Variants in ZNF410 observed in about 807,000 individuals in gnomAD.
ZNF410 encodes another partner for ARF 1.
Under a neutral mutation model 54.8 loss-of-function variants are expected in ZNF410, and 18 were observed. The observed-to-expected ratio is 0.33, with a 90% CI of 0.23 to 0.49. ZNF410 has a LOEUF of 0.49. Among genes scored for constraint, ZNF410 ranks in the 20% least tolerant of loss-of-function variants. ZNF410 has a pLI of 0.99. For missense variants in ZNF410, 405 were observed against 569.6 expected (o/e 0.71, Z 2.94); for synonymous variants, 191 against 207.3 (o/e 0.92, Z 0.68).
chr14:73,922,930 A>C (rs1169922922), intron 10 of ZNF410: 6 of 152,328 alleles, frequency 3.9e-5, no homozygotes, highest in Admixed American at 6.5e-5. Context: ...TAGTTTTTTG[A>C]GGGCTAAGTG....
At position 73,931,963 on chromosome 14, in the gene ZNF410, T is replaced by C. The variant is rs1019751479; in HGVS notation, c.*422T>C. The C allele has an allele frequency of 1.3e-5, 6 of 456,714 alleles. No individual in the cohort carries two copies. The highest frequency in any genetic ancestry group is 8.0e-5 in the African/African-American group (4 of 50,084). The allele number at this position is 456,714 out of a possible 1,614,324, so 28.3% of individuals were successfully genotyped here. The stretch of plus-strand genomic sequence containing the variant: ...CCAACAACAGAGCTTCACCAGGAAG[T>C]TGAGTTTTCAAGATGCCTTGTTGCT... On this transcript the variant is annotated 3_prime_UTR_variant, in exon 12 of 12. Transcript: ENST00000555044.
intron 5 of ZNF410, among the ~76,000 whole-genome samples, chr14:73,900,147 CG>C (rs2055383267): frequency 6.6e-6 from 1 of 150,512 alleles, no homozygotes; most frequent in African/African-American, 2.4e-5. Flanking sequence ...GAGTGGAGAT[CG>C]CACCACTGCA....
At chr14:73,918,363 G>A (rs2055701032) in intron 8 of ZNF410, among the ~76,000 whole-genome samples, 2 of 152,112 alleles carry the variant, frequency 1.3e-5, no homozygotes, top group African/African-American at 4.8e-5. Flanking sequence ...GCCTCCCAAA[G>A]TACTAGGATT....
At chr14:73,919,030 CAG>C (rs1594763426) in intron 8 of ZNF410, among the ~76,000 whole-genome samples, 1 of 63,816 alleles carries the variant, frequency 1.6e-5, no homozygotes, top group East Asian at 1.2e-3. Context: ...TTTTTTTTGA[CAG>C]AGTCTCACTC....
chr14:73,897,990 AG>A (rs1555352883), intron 4 of ZNF410, 80 bp from the exon 5 acceptor site: 7 of 1,187,356 alleles, frequency 5.9e-6, no homozygotes, highest in South Asian at 1.6e-5. Flanking sequence ...AAAAAAAAAA[AG>A]GGACATGGAG....
rs2064167287 is a variant in ZNF410 at position 73,892,055 on chromosome 14, A to G, written c.-121A>G. ...ACATTGATTACCCACCTAGTACAAC[A>G]TCTTACGGGAAGAGCATAGTATTTC... is the stretch of plus-strand genomic sequence containing the variant. On this transcript the variant is annotated 5_prime_UTR_variant, in exon 2 of 12. Transcript: ENST00000555044. 2 of 1,132,910 alleles carry G rather than the reference A, an allele frequency of 1.8e-6. No individual in the cohort carries two copies. Among genetic ancestry groups the G allele is most frequent in the Non-Finnish European group, 1.3e-6 (1 of 742,386 alleles). The allele number at this position is 1,132,910 out of a possible 1,614,324, so 70.2% of individuals were successfully genotyped here. A position where few individuals can be genotyped will look rare whatever the true frequency, so the allele number is the denominator to read the frequency against.
At chr14:73,900,225 GAC>G (rs1195015628) in intron 5 of ZNF410, among the ~76,000 whole-genome samples, 2 of 150,484 alleles carry the variant, frequency 1.3e-5, no homozygotes, top group Non-Finnish European at 3.0e-5. Context: ...CCAAATATAA[GAC>G]AATCTTTTAT....
At chr14:73,901,450 G>A (rs948633703) in intron 5 of ZNF410, among the ~76,000 whole-genome samples, 9 of 150,854 alleles carry the variant, frequency 6.0e-5, no homozygotes, top group African/African-American at 2.2e-4. Flanking sequence ...AAAAATTTGC[G>A]TTATATTTAT....
chr14:73,905,991 A>ATATATATGTATATATATATG (rs1491231212), intron 7 of ZNF410, among the ~76,000 whole-genome samples: 1 of 141,746 alleles, frequency 7.1e-6, no homozygotes, highest in Non-Finnish European at 1.5e-5. Flanking sequence ...ATATATATAT[A>ATATATATGTATATATATATG]TATACACACA....
intron 5 of ZNF410, among the ~76,000 whole-genome samples, chr14:73,903,165 G>T (rs895803077): frequency 6.6e-6 from 1 of 152,162 alleles, no homozygotes; most frequent in African/African-American, 2.4e-5. Flanking sequence ...GTCTTACTCT[G>T]TTGCCCAGAC....
chr14:73,910,848 C>T (rs1390137668), intron 8 of ZNF410, among the ~76,000 whole-genome samples: 4 of 118,258 alleles, frequency 3.4e-5, no homozygotes, highest in East Asian at 2.4e-4. Flanking sequence ...GGTGACAGGG[C>T]GAGACCCTGT....
intron 7 of ZNF410, chr14:73,905,610 G>A (rs1358327917): frequency 6.6e-6 from 1 of 152,220 alleles, no homozygotes; most frequent in East Asian, 1.9e-4. Context: ...TATCACAGGA[G>A]CAAAATAAAG....
rs530678037 is a variant in ZNF410 at position 73,892,943 on chromosome 14, G to A, written c.33+735G>A. ...AAAATACAAAAAAAATTAGCTGGGC[G>A]TGGTGGCGGGCACCTGTAGTCCCAG... On this transcript the variant is annotated intron_variant, in intron 2 of 11. Transcript: ENST00000555044. Among the ~76,000 whole-genome samples the A allele has an allele frequency of 7.9e-5, 12 of 152,178 alleles. No homozygotes were observed. In the South Asian group the frequency reaches 1.9e-3, roughly 24 times the overall value.
chr14:73,921,032 A>T lies in ZNF410; in HGVS notation c.1056A>T (p.Gly352=). The change falls in exon 9 of 12, where the codon GGA becomes GGT. Residue 352 remains glycine, a synonymous_variant. Transcript: ENST00000555044. ...GTGGGAAGACCTTCTCTCAGAGTGG[A>T]AGCAGGAATGTGCATATGAGAAAGC... ...QVCGKTFSQS[G]SRNVHMRKHH... The T allele has an allele frequency of 6.2e-7, 1 of 1,614,128 alleles. No homozygotes were observed. Among genetic ancestry groups the T allele is most frequent in the East Asian group, 2.2e-5 (1 of 44,876 alleles).
rs375039083 is a variant in ZNF410 at position 73,905,968 on chromosome 14, C to CATATATATATATATAT, written c.913+897_913+912dup. ...ATACACACACACACACACACACACA[C>CATATATATATATATAT]ATATATATATATATATATATATATA... is the stretch of plus-strand genomic sequence containing the variant. On this transcript the variant is annotated intron_variant, in intron 7 of 11. Coordinates refer to ENST00000555044, the MANE Select transcript of ZNF410 (RefSeq NM_021188.3). Among the ~76,000 whole-genome samples the CATATATATATATATAT allele has an allele frequency of 5.6e-4, 44 of 78,916 alleles. 2 individuals carry two copies. The highest frequency in any genetic ancestry group is 4.5e-3 in the East Asian group (15 of 3,370). The allele number at this position is 78,916 out of a possible 152,430, so 51.8% of individuals were successfully genotyped here. A position where few individuals can be genotyped will look rare whatever the true frequency, so the allele number is the denominator to read the frequency against.
Position 73,896,363 on chromosome 14 carries a change from G to C in ZNF410, c.217G>C (p.Ala73Pro). 6.2e-7 allele frequency: 1 copy of C among 1,614,172 alleles called. No individual in the cohort carries two copies. Among genetic ancestry groups the C allele is most frequent in the Non-Finnish European group, 8.5e-7 (1 of 1,180,030 alleles). ...CTCCTCCAAGGAGGTCCCTTCCTCA[G>C]CTGTTTTGAGAAGCCTTCGGGTGAA... ...SNSSKEVPSS[A>P]VLRSLRVNVG... Residue 73 changes from alanine (A) to proline (P), a missense_variant, in exon 4 of 12, where the codon GCT becomes CCT. Ala to Pro is a conservative substitution (Grantham distance 27). Transcript: ENST00000555044.
intron 11 of ZNF410, among the ~76,000 whole-genome samples, chr14:73,925,671 A>G (rs1044780244): frequency 6.6e-6 from 1 of 151,502 alleles, no homozygotes; most frequent in Non-Finnish European, 1.5e-5. Context: ...CAAGTGATCC[A>G]CCCGCCTCAG....
intron 11 of ZNF410, among the ~76,000 whole-genome samples, chr14:73,926,589 C>A (rs2055836844): frequency 6.6e-6 from 1 of 152,046 alleles, no homozygotes; most frequent in South Asian, 2.1e-4. Flanking sequence ...CACCTGCCAC[C>A]AAGCCCCACT....
rs772195349 is a variant in ZNF410 at position 73,922,035 on chromosome 14, GTA to G, written c.1130-29_1130-28del. ...AGGACCAGGCACAGCCTTGATTGCT[GTA>G]TGTCTCTCACAACCTATTCTCTGTG... On this transcript the variant is annotated intron_variant, in intron 9 of 11. Coordinates refer to ENST00000555044, the MANE Select transcript of ZNF410 (RefSeq NM_021188.3). 2.4e-5 allele frequency: 39 copies of G among 1,611,516 alleles called. No individual in the cohort carries two copies. The South Asian group carries it at 4.3e-4, about 18-fold the overall frequency.
Sources: gnomAD v4.1 joint callset for allele counts (sites outside exome capture counted in the v4.1 genomes callset) on GRCh38, gnomAD v4.1.1 for gene constraint, MANE v1.5 for transcripts, NCBI Gene and HGNC (gene_info 2026-07-23, HGNC 2026-07-21) for gene names.